Variants in STRN observed in about 807,000 individuals in gnomAD.
STRN encodes striatin.
A neutral mutation model predicts 96.3 loss-of-function variants in STRN; 53 were observed. That is an observed-to-expected ratio of 0.55 (90% CI 0.44 to 0.69). STRN has a LOEUF of 0.69. Among genes scored for constraint, STRN ranks in the 30% least tolerant of loss-of-function variants. The pLI, the probability that STRN is intolerant of heterozygous loss-of-function variation, is 0.00. For synonymous variants in STRN, 428 were observed against 355.9 expected (o/e 1.20, Z -2.28); for missense variants, 987 against 963.9 (o/e 1.02, Z -0.32).
intron 3 of STRN, among the ~76,000 whole-genome samples, chr2:36,910,946 GA>G (rs1432076902): frequency 6.6e-6 from 1 of 152,046 alleles, no homozygotes; most frequent in African/African-American, 2.4e-5. Flanking sequence ...AAAAAAATTA[GA>G]AAGGAAAAGC....
At chr2:36,901,376 C>T (rs539653420) in intron 5 of STRN, among the ~76,000 whole-genome samples, 1 of 152,110 alleles carries the variant, frequency 6.6e-6, no homozygotes, top group South Asian at 2.1e-4. Flanking sequence ...CATGGTGAAA[C>T]CGCATCTCTA....
At chr2:36,874,059 T>A (rs1057241065) in intron 10 of STRN, among the ~76,000 whole-genome samples, 4 of 147,298 alleles carry the variant, frequency 2.7e-5, no homozygotes, top group Non-Finnish European at 4.5e-5. Flanking sequence ...ATCAAGACCA[T>A]CCTGGCTAAC....
intron 1 of STRN, among the ~76,000 whole-genome samples, chr2:36,929,621 G>A (rs1338284171): frequency 1.3e-5 from 2 of 152,140 alleles, no homozygotes; most frequent in East Asian, 1.9e-4. Context: ...CTGACCTCGT[G>A]ATCCACCCAC....
At chr2:36,941,768 G>C (rs1670851116) in intron 1 of STRN, among the ~76,000 whole-genome samples, 1 of 150,392 alleles carries the variant, frequency 6.6e-6, no homozygotes, top group Non-Finnish European at 1.5e-5. Flanking sequence ...AGCCAGGCTG[G>C]TCTCGAACTC....
chr2:36,917,225 T>C (rs1670127666), intron 2 of STRN, among the ~76,000 whole-genome samples: 1 of 151,698 alleles, frequency 6.6e-6, no homozygotes, highest in African/African-American at 2.4e-5. Flanking sequence ...TTTTTCATAA[T>C]TTAAGAAAAG....
chr2:36,893,758 T>G (rs1669464568), intron 7 of STRN, 140 bp downstream of exon 7: 1 of 966,802 alleles, frequency 1.0e-6, no homozygotes, highest in African/African-American at 1.7e-5. Context: ...ACATTCACCC[T>G]GGATAAAGGG....
intron 1 of STRN, among the ~76,000 whole-genome samples, chr2:36,945,399 G>A (rs1327469148): frequency 1.3e-5 from 2 of 152,180 alleles, no homozygotes; most frequent in Non-Finnish European, 2.9e-5. Context: ...CAGGCATGGT[G>A]GCTCGCGCCT....
At chr2:36,957,904 C>T (rs1317409795) in intron 1 of STRN, among the ~76,000 whole-genome samples, 5 of 144,880 alleles carry the variant, frequency 3.5e-5, no homozygotes, top group Non-Finnish European at 7.5e-5. Context: ...GCGCCCATCA[C>T]GACGCCCAGC....
intron 2 of STRN, among the ~76,000 whole-genome samples, chr2:36,922,619 TG>T: frequency 6.6e-6 from 1 of 151,490 alleles, no homozygotes; most frequent in South Asian, 2.1e-4. Flanking sequence ...ATCTGACTCT[TG>T]CCCCCTCTAC....
chr2:36,943,753 G>A (rs1436161511), intron 1 of STRN, among the ~76,000 whole-genome samples: 6 of 149,164 alleles, frequency 4.0e-5, no homozygotes, highest in South Asian at 2.2e-4. Context: ...GCAGTGAGCC[G>A]AGATCCTGAC....
chr2:36,899,720 C>T (rs1669635494), intron 5 of STRN, 62 bp from the exon 6 acceptor site: 2 of 1,419,956 alleles, frequency 1.4e-6, no homozygotes, highest in Non-Finnish European at 9.5e-7. Context: ...AAGAAGTAAC[C>T]CATGATATGT....
chr2:36,934,132 A>T (rs974804767), intron 1 of STRN, among the ~76,000 whole-genome samples: 9 of 152,078 alleles, frequency 5.9e-5, no homozygotes, highest in African/African-American at 2.2e-4. Context: ...AAAAAAACTA[A>T]ATCTATTGAT....
rs1009574585 is a variant in STRN at position 36,941,712 on chromosome 2, G to T, written c.235-16504C>A. ...TTACAGGCGCCTGCCACCCCACCCAGCTAATTTTTTTTTTTTTTTTTAGTG... is the reference window on the plus strand; with the variant it reads ...TTACAGGCGCCTGCCACCCCACCCATCTAATTTTTTTTTTTTTTTTTAGTG... On this transcript the variant is annotated intron_variant, in intron 1 of 17. Coordinates refer to ENST00000263918, the MANE Select transcript of STRN (RefSeq NM_003162.4). Among the ~76,000 whole-genome samples, 7 of 139,946 alleles carry T rather than the reference G, an allele frequency of 5.0e-5. No individual in the cohort carries two copies. The South Asian group carries it at 1.1e-3, about 22-fold the overall frequency. The allele number at this position is 139,946 out of a possible 152,430, so 91.8% of individuals were successfully genotyped here. A position where few individuals can be genotyped will look rare whatever the true frequency, so the allele number is the denominator to read the frequency against.
rs1558617169 is a variant in STRN, at chr2:36,845,907, GCATGCATGCACACACACACACACA to G, written c.*3525_*3548del. ...TAAACACACACACACACACACACAC[GCATGCATGCACACACACACACACA>G]CACACACACACACACACACACTAAC... On this transcript the variant is annotated 3_prime_UTR_variant, in exon 18 of 18. Coordinates refer to ENST00000263918, the MANE Select transcript of STRN (RefSeq NM_003162.4). The G allele has an allele frequency of 4.3e-4, 12 of 27,920 alleles. No individual in the cohort carries two copies. The highest frequency in any genetic ancestry group is 7.9e-4 in the Non-Finnish European group (10 of 12,646). 1.7% of individuals were successfully genotyped at this position (27,920 alleles called of 1,614,324 possible). A position where few individuals can be genotyped will look rare whatever the true frequency, so the allele number is the denominator to read the frequency against.
At chr2:36,888,473 G>C (rs1669297785) in intron 7 of STRN, among the ~76,000 whole-genome samples, 1 of 151,986 alleles carries the variant, frequency 6.6e-6, no homozygotes, top group African/African-American at 2.4e-5. Flanking sequence ...AAATTTCTCA[G>C]GCATGCCAGG....
chr2:36,870,903 C>T (rs1668745104), intron 10 of STRN, among the ~76,000 whole-genome samples: 1 of 152,094 alleles, frequency 6.6e-6, no homozygotes, highest in Non-Finnish European at 1.5e-5. Flanking sequence ...GAGAGTGATA[C>T]TGATGATCCT....
At chr2:36,896,898 T>A (rs928908804) in intron 6 of STRN, among the ~76,000 whole-genome samples, 1 of 152,174 alleles carries the variant, frequency 6.6e-6, no homozygotes, top group Non-Finnish European at 1.5e-5. Context: ...CCAAGTGCAG[T>A]GACTCACACC....
rs567154365 is a variant in STRN at position 36,839,103 on chromosome 2, G to A, written c.*10353C>T. Among the ~76,000 whole-genome samples the A allele has an allele frequency of 6.6e-6, 1 of 152,298 alleles. No homozygotes were observed. The highest frequency in any genetic ancestry group is 2.4e-5 in the African/African-American group (1 of 41,550). On this transcript the variant is annotated 3_prime_UTR_variant, in exon 18 of 18. Transcript: ENST00000263918. Reference sequence around the variant, plus strand: ...AATTAGAAAGATACATATCAGGGAGGTAGGAATGAAGGGGTATGATGGGAC... The same window carrying A: ...AATTAGAAAGATACATATCAGGGAGATAGGAATGAAGGGGTATGATGGGAC...
chr2:36,853,441 AAT>A (rs1377235298), intron 15 of STRN, among the ~76,000 whole-genome samples: 1 of 152,234 alleles, frequency 6.6e-6, no homozygotes, highest in Non-Finnish European at 1.5e-5. Context: ...CTAGAAAATA[AAT>A]ATGATTGAAA....
Sources: gnomAD v4.1 joint callset for allele counts (sites outside exome capture counted in the v4.1 genomes callset) on GRCh38, gnomAD v4.1.1 for gene constraint, MANE v1.5 for transcripts, NCBI Gene and HGNC (gene_info 2026-07-23, HGNC 2026-07-21) for gene names.